The following NLRX1 variants were observed in gnomAD, a reference collection of about 807,000 sequenced individuals.
NLRX1 encodes NLR family member X1.
In NLRX1, 67 loss-of-function variants were observed where a neutral mutation model predicts 74.2. The ratio of observed to expected loss-of-function variants is 0.90; its 90% confidence interval spans 0.74 to 1.11. NLRX1 has a LOEUF of 1.11. Ranked by LOEUF, NLRX1 falls within the 50% of genes least tolerant of loss-of-function variation. The pLI is 0.00. For synonymous variants in NLRX1, 506 were observed against 559.1 expected (o/e 0.91, Z 1.34); for missense variants, 1,191 against 1,305.4 (o/e 0.91, Z 1.35).
chr11:119,181,579 C>A (rs539541898), intron 8 of NLRX1, among the ~76,000 whole-genome samples: 1 of 152,196 alleles, frequency 6.6e-6, no homozygotes, highest in Non-Finnish European at 1.5e-5. Flanking sequence ...TTTCTTGCAG[C>A]CTCCCGAGGA....
At position 119,182,890 on chromosome 11, in the gene NLRX1, AAAAACAAAAACAAAAAC is replaced by A. The variant is rs1372224549; in HGVS notation, c.2607-223_2607-207del. Among the ~76,000 whole-genome samples the A allele has an allele frequency of 4.0e-5, 6 of 148,358 alleles. No homozygotes were observed. The East Asian group carries it at 9.7e-4, about 24-fold the overall frequency. Reference sequence around the variant, plus strand: ...TGACAGAGCAAGACTCCATCTCAAAAAAAACAAAAACAAAAACAAAAACAAAAACAAAAAAAAAAAAG... The same window carrying A: ...TGACAGAGCAAGACTCCATCTCAAAAAAAAACAAAAACAAAAAAAAAAAAG... On this transcript the variant is annotated intron_variant, in intron 9 of 9. Coordinates refer to ENST00000409109, the MANE Select transcript of NLRX1 (RefSeq NM_001282144.2).
chr11:119,180,872 CT>C lies in NLRX1; in HGVS notation c.2268-298del, dbSNP rs202142582. Among the ~76,000 whole-genome samples, 104 of 151,924 alleles carry C rather than the reference CT, an allele frequency of 6.8e-4. 1 individual carries two copies. The East Asian group carries it at 0.018, about 26-fold the overall frequency. ...CCTGGGCAACATAGCAAGACCCTGT[CT>C]CTACAAAAAATTAAAAAATTAGTCA... On this transcript the variant is annotated intron_variant, in intron 7 of 9. Transcript: ENST00000409109.
chr11:119,173,642 C>A lies in NLRX1; in HGVS notation c.393C>A (p.Ala131=). Reference sequence around the variant, plus strand: ...TACTTCGCCCACCCGCGGAGCTGGCCCTGGAGCATCAGCCACCCCAGGCCG... The same window carrying A: ...TACTTCGCCCACCCGCGGAGCTGGCACTGGAGCATCAGCCACCCCAGGCCG... ...DELLRPPAEL[A]LEHQPPQAGL... Residue 131 remains alanine, a synonymous_variant, in exon 5 of 10, where the codon GCC becomes GCA. Transcript: ENST00000409109. This position sits in a 1 kb window ranked among gnomAD's most constrained non-coding sequence, Gnocchi z 4.0. The A allele has an allele frequency of 6.2e-7, 1 of 1,614,116 alleles. No homozygotes were observed. The highest frequency in any genetic ancestry group is 2.2e-5 in the East Asian group (1 of 44,884).
In NLRX1 at chr11:119,181,232, G is replaced by T. The variant is rs1393789090; in HGVS notation, c.2329G>T (p.Asp777Tyr). ...GGACCTCCGAGACCTGTTGCTGCATGACCAGTGCCAAATTACCACACTGCG... is the reference window on the plus strand; with the variant it reads ...GGACCTCCGAGACCTGTTGCTGCATTACCAGTGCCAAATTACCACACTGCG... ...CKDLRDLLLH[D>Y]QCQITTLRLS... The change falls in exon 8 of 10, where the codon GAC becomes TAC. Residue 777 changes from aspartate to tyrosine, a missense_variant. Transcript: ENST00000409109. 2.5e-6 allele frequency: 4 copies of T among 1,613,716 alleles called. No homozygotes were observed. In the South Asian group the frequency reaches 3.3e-5, roughly 13 times the overall value.
chr11:119,178,603 T>C (rs914698760), intron 6 of NLRX1, among the ~76,000 whole-genome samples: 1 of 152,050 alleles, frequency 6.6e-6, no homozygotes, highest in African/African-American at 2.4e-5. Flanking sequence ...GAGAGCCTCT[T>C]TGTGGAAGGG....
Position 119,171,068 on chromosome 11 carries a change from G to A in NLRX1, c.-48-288G>A, listed in dbSNP as rs146372262. Among the ~76,000 whole-genome samples, 1,287 of 152,278 alleles carry A rather than the reference G, an allele frequency of 8.5e-3. 21 individuals carry two copies. The highest frequency in any genetic ancestry group is 0.029 in the African/African-American group (1,219 of 41,552). ...TGAGGCAGGAGAATCGCTTGGGCCC[G>A]GGAGGCATAGGCTTCAATGAGCCAC... On this transcript the variant is annotated intron_variant, in intron 1 of 9. Coordinates refer to ENST00000409109, the MANE Select transcript of NLRX1 (RefSeq NM_001282144.2).
In NLRX1 at chr11:119,171,383, G is replaced by A. The variant is rs559679986; in HGVS notation, c.-21G>A. The A allele has an allele frequency of 6.2e-7, 1 of 1,613,152 alleles. No individual in the cohort carries two copies. Among genetic ancestry groups the A allele is most frequent in the South Asian group, 1.1e-5 (1 of 91,020 alleles). ...CAGAAGTCGGTCCTAGGCCCCCCAG[G>A]CTCTGACCTTCTTTCCCAGGATGAG... On this transcript the variant is annotated 5_prime_UTR_variant, in exon 2 of 10. Coordinates refer to ENST00000409109, the MANE Select transcript of NLRX1 (RefSeq NM_001282144.2).
chr11:119,177,870 G>A (rs1948738341), intron 6 of NLRX1: 1 of 152,202 alleles, frequency 6.6e-6, no homozygotes, highest in Admixed American at 6.5e-5. Context: ...CTCTTGGAGG[G>A]AGGGTTGCCC....
chr11:119,175,296 C>T (rs754814032), intron 6 of NLRX1, 22 bp downstream of exon 6: 2 of 1,591,254 alleles, frequency 1.3e-6, no homozygotes, highest in South Asian at 1.1e-5. Flanking sequence ...ATCAAGGTAA[C>T]CCCCCAACCT....
At chr11:119,180,375 A>G in intron 7 of NLRX1, 87 bp downstream of exon 7, 1 of 1,120,564 alleles carries the variant, frequency 8.9e-7, no homozygotes, top group Non-Finnish European at 1.2e-6. Context: ...GGGAAACCAG[A>G]GGTACCGATG....
chr11:119,182,394 CCTCT>C (rs1225978381), intron 9 of NLRX1, 49 bp downstream of exon 9: 1 of 1,581,632 alleles, frequency 6.3e-7, no homozygotes, highest in Non-Finnish European at 8.6e-7. Context: ...AGACTACTTC[CCTCT>C]CTCAACTGTG....
At chr11:119,170,159 C>G (rs1377220158) in intron 1 of NLRX1, among the ~76,000 whole-genome samples, 1 of 151,964 alleles carries the variant, frequency 6.6e-6, no homozygotes, top group Admixed American at 6.6e-5. Flanking sequence ...GGGACAAACT[C>G]AGAAAAATAG....
In NLRX1 at chr11:119,174,631, C is replaced by T. The variant is rs1250159395; in HGVS notation, c.1028C>T (p.Thr343Ile). Reference sequence around the variant, plus strand: ...GTTGGCGGTTCAGGTGTCTCTGCCACACCAGCTCAGCGTGACCACCTGGTG... The same window carrying T: ...GTTGGCGGTTCAGGTGTCTCTGCCATACCAGCTCAGCGTGACCACCTGGTG... ...YAVGGSGVSATPAQRDHLVQM... is the reference protein window; with the variant it reads ...YAVGGSGVSAIPAQRDHLVQM... The change falls in exon 6 of 10, where the codon ACA (threonine) becomes ATA (isoleucine). Residue 343 changes from threonine to isoleucine, a missense_variant. Physicochemically the swap from Thr to Ile is moderately conservative, Grantham distance 89 (BLOSUM62 -1). Transcript: ENST00000409109. 1.2e-6 allele frequency: 2 copies of T among 1,613,994 alleles called. No homozygotes were observed. Among genetic ancestry groups the T allele is most frequent in the Non-Finnish European group, 1.7e-6 (2 of 1,180,052 alleles).
Position 119,168,808 on chromosome 11 carries a change from G to T in NLRX1, c.-543G>T, listed in dbSNP as rs1948462130. 6.6e-6 allele frequency: 1 copy of T among 152,286 alleles called. No homozygotes were observed. The highest frequency in any genetic ancestry group is 1.5e-5 in the Non-Finnish European group (1 of 68,098). The allele number at this position is 152,286 out of a possible 1,614,324, so 9.4% of individuals were successfully genotyped here. On this transcript the variant is annotated 5_prime_UTR_variant, in exon 1 of 10. Transcript: ENST00000409109. ...GTTCCAGCCCTGCGCCTGCTCCGGA[G>T]CACCGGGCCCCTCTCGCTGACCCCC...
Position 119,173,251 on chromosome 11 carries a change from T to C in NLRX1, c.230-228T>C. ...GGGTCAAGCAGGTTAAGACGGCACA[T>C]AGGTCACTGTGAAACCAGTTTGTCC... On this transcript the variant is annotated intron_variant, in intron 4 of 9. Transcript: ENST00000409109. The surrounding 1 kb of genome is among the most constrained non-coding windows in gnomAD (Gnocchi z 4.0). The C allele has an allele frequency of 3.2e-6, 2 of 634,692 alleles. No homozygotes were observed. Among genetic ancestry groups the C allele is most frequent in the Non-Finnish European group, 5.5e-6 (2 of 366,792 alleles). The allele number at this position is 634,692 out of a possible 1,614,324, so 39.3% of individuals were successfully genotyped here.
chr11:119,174,460 T>C lies in NLRX1; in HGVS notation c.857T>C (p.Ile286Thr). Residue 286 changes from isoleucine (I) to threonine (T), a missense_variant, in exon 6 of 10, where the codon ATT (isoleucine) becomes ACT (threonine). Ile to Thr is a moderately conservative substitution (Grantham distance 89, BLOSUM62 -1). Coordinates refer to ENST00000409109, the MANE Select transcript of NLRX1 (RefSeq NM_001282144.2). ...CAACCATGCTCTTCCCAGGCCAGCA[T>C]TCTGGTGACCACTCGGCCCTCTGCC... ...LRKYMLPQAS[I>T]LVTTRPSAIG... 1 of 1,613,366 alleles carries C rather than the reference T, an allele frequency of 6.2e-7. No individual in the cohort carries two copies. The highest frequency in any genetic ancestry group is 2.2e-5 in the East Asian group (1 of 44,866).
intron 6 of NLRX1, among the ~76,000 whole-genome samples, chr11:119,176,926 G>C (rs1948716336): frequency 6.6e-6 from 1 of 152,128 alleles, no homozygotes; most frequent in Non-Finnish European, 1.5e-5. Flanking sequence ...CTACTTATTA[G>C]CTGTGAGACT....
At position 119,173,555 on chromosome 11, in the gene NLRX1, A is replaced by G. The variant is rs777754362; in HGVS notation, c.306A>G (p.Pro102=). 1.2e-6 allele frequency: 2 copies of G among 1,614,140 alleles called. No homozygotes were observed. The highest frequency in any genetic ancestry group is 2.2e-5 in the South Asian group (2 of 91,090). Residue 102 remains proline (P), a synonymous_variant, in exon 5 of 10, where the codon CCA becomes CCG. Coordinates refer to ENST00000409109, the MANE Select transcript of NLRX1 (RefSeq NM_001282144.2). This position sits in a 1 kb window ranked among gnomAD's most constrained non-coding sequence, Gnocchi z 4.0. ...CCAGGGAGGAGCGCCAGTTTGGCCC[A>G]ACCTTTGCCCTAGACACGGTCCACG... ...RLPREERQFG[P]TFALDTVHVD...
intron 7 of NLRX1, among the ~76,000 whole-genome samples, chr11:119,180,945 G>A (rs930633750): frequency 6.6e-6 from 1 of 152,172 alleles, no homozygotes; most frequent in Non-Finnish European, 1.5e-5. Flanking sequence ...GGAGGCTGAG[G>A]TGGGAGGATT....
Sources: allele counts gnomAD v4.1 joint callset (sites outside exome capture counted in the v4.1 genomes callset), GRCh38; gene constraint gnomAD v4.1.1; non-coding constraint Gnocchi (gnomAD v3.1); transcripts MANE v1.5; gene names NCBI Gene and HGNC (gene_info 2026-07-23, HGNC 2026-07-21).